Variants in CACNG8 observed in about 807,000 individuals in gnomAD.
CACNG8 encodes the protein voltage-dependent calcium channel gamma-8 subunit.
CACNG8 carries 5 observed loss-of-function variants against 26.9 expected under a neutral mutation model. The ratio of observed to expected loss-of-function variants is 0.19; its 90% CI spans 0.10 to 0.39. CACNG8 has a LOEUF of 0.39. CACNG8 is among the 10% of genes least tolerant of loss of function. The probability of loss-of-function intolerance (pLI) is 1.00; values close to 1 mark genes in which losing one functional copy is unlikely to be tolerated. For synonymous variants in CACNG8, 321 were observed against 296.7 expected (o/e 1.08, Z -0.84); for missense variants, 473 against 609.4 (o/e 0.78, Z 2.36).
At position 53,984,152 on chromosome 19, in the gene CACNG8, G is replaced by A. The variant is rs930944207; in HGVS notation, c.*1303G>A. ...CATGGTGTCTGGTGTGCAGGAGAAA[G>A]CCGTGGGGCTTAGAGACTCATGTGT... On this transcript the variant is annotated 3_prime_UTR_variant, in exon 4 of 4. Coordinates refer to ENST00000270458, the MANE Select transcript of CACNG8 (RefSeq NM_031895.6). 6.6e-6 allele frequency: 1 copy of A among 152,258 alleles called. No homozygotes were observed. Among genetic ancestry groups the A allele is most frequent in the Non-Finnish European group, 1.5e-5 (1 of 68,064 alleles). The allele number at this position is 152,258 out of a possible 1,614,324, so 9.4% of individuals were successfully genotyped here.
At position 53,982,485 on chromosome 19, in the gene CACNG8, C is replaced by T; in HGVS notation, c.914C>T (p.Ser305Phe). Residue 305 changes from serine to phenylalanine, a missense_variant, in exon 4 of 4, where the codon TCC becomes TTC. Coordinates refer to ENST00000270458, the MANE Select transcript of CACNG8 (RefSeq NM_031895.6). This position sits in a 1 kb window ranked among gnomAD's most constrained non-coding sequence, Gnocchi z 8.4. ...CCGGGCTTTGCCTCCACGGACATCT[C>T]CATGTACACGCTCAGCCGCGACCCC... is the stretch of plus-strand genomic sequence containing the variant. The T allele has an allele frequency of 6.6e-7, 1 of 1,505,426 alleles. No homozygotes were observed. The allele number at this position is 1,505,426 out of a possible 1,614,324, so 93.3% of individuals were successfully genotyped here.
chr19:53,976,942 G>T (rs1449875007), intron 1 of CACNG8, among the ~76,000 whole-genome samples: 1 of 152,170 alleles, frequency 6.6e-6, no homozygotes. Flanking sequence ...CAAAGTGCAG[G>T]GATTACAGGT....
chr19:53,987,743 G>A lies in CACNG8; in HGVS notation c.*4894G>A, dbSNP rs2145945683. On this transcript the variant is annotated 3_prime_UTR_variant, in exon 4 of 4. Transcript: ENST00000270458. ...AGGAACCAAGGCTTCTCTTTTGGAT[G>A]TGTCAAGATAGATCTGCCTTCGAGA... is the stretch of plus-strand genomic sequence containing the variant. The A allele has an allele frequency of 6.6e-6, 1 of 152,384 alleles. No homozygotes were observed. Among genetic ancestry groups the A allele is most frequent in the Non-Finnish European group, 1.5e-5 (1 of 68,056 alleles). 9.4% of individuals were successfully genotyped at this position (152,384 alleles called of 1,614,324 possible).
chr19:53,976,031 A>T (rs1181481304), intron 1 of CACNG8, among the ~76,000 whole-genome samples: 1 of 152,178 alleles, frequency 6.6e-6, no homozygotes, highest in Non-Finnish European at 1.5e-5. Context: ...CCTATGTAAC[A>T]CCAGCAAGGA....
At chr19:53,971,185 G>A (rs574545261) in intron 1 of CACNG8, among the ~76,000 whole-genome samples, 53 of 151,556 alleles carry the variant, frequency 3.5e-4, no homozygotes, top group Middle Eastern at 3.4e-3. Flanking sequence ...CCAGCTACTC[G>A]GGAGGCTGAG....
rs1300465014 is a variant in CACNG8, at chr19:53,963,150, C to T, written c.8C>T (p.Ser3Leu). The change falls in exon 1 of 4, where the codon TCG (serine) becomes TTG (leucine). Residue 3 changes from serine (S) to leucine (L), a missense_variant. This residue lies in a region of CACNG8 where 26 missense variants were observed against 23.8 expected (regional missense o/e 1.09). Coordinates refer to ENST00000270458, the MANE Select transcript of CACNG8 (RefSeq NM_031895.6). The stretch of plus-strand genomic sequence containing the variant: ...CGGCTGCCCGTGGTCAAACTGGAGT[C>T]GCTGAAGCGCTGGAACGAAGAGCGG... 6.6e-7 allele frequency: 1 copy of T among 1,520,750 alleles called. No homozygotes were observed. 94.2% of individuals were successfully genotyped at this position (1,520,750 alleles called of 1,614,324 possible). A position where few individuals can be genotyped will look rare whatever the true frequency, so the allele number is the denominator to read the frequency against.
chr19:53,980,182 C>G (rs1422993743), intron 3 of CACNG8, among the ~76,000 whole-genome samples, 175 bp downstream of exon 3: 1 of 152,160 alleles, frequency 6.6e-6, no homozygotes, highest in Non-Finnish European at 1.5e-5. Flanking sequence ...TAGGCGGTCC[C>G]CAAGCTCCAT....
Position 53,982,523 on chromosome 19 carries a change from G to A in CACNG8, c.952G>A (p.Val318Met). 7.4e-7 allele frequency: 1 copy of A among 1,351,532 alleles called. No homozygotes were observed. The highest frequency in any genetic ancestry group is 9.5e-7 in the Non-Finnish European group (1 of 1,057,500). 83.7% of individuals were successfully genotyped at this position (1,351,532 alleles called of 1,614,324 possible). A position where few individuals can be genotyped will look rare whatever the true frequency, so the allele number is the denominator to read the frequency against. Residue 318 changes from valine to methionine, a missense_variant, in exon 4 of 4, where the codon GTG becomes ATG. Physicochemically the swap from Val to Met is conservative, Grantham distance 21. Transcript: ENST00000270458. This position sits in a 1 kb window ranked among gnomAD's most constrained non-coding sequence, Gnocchi z 8.4. ...CAGCCGCGACCCCTCCAAGGGCAGC[G>A]TGGCCGCGGGGCTGGCGGGGGCCGG...
chr19:53,977,511 C>T (rs535545789), intron 1 of CACNG8, among the ~76,000 whole-genome samples: 1 of 152,220 alleles, frequency 6.6e-6, no homozygotes, highest in East Asian at 1.9e-4. Flanking sequence ...CCTCACACAC[C>T]TCTGCTTGCT....
At position 53,963,069 on chromosome 19, in the gene CACNG8, C is replaced by G. The variant is rs545505148; in HGVS notation, c.-74C>G. On this transcript the variant is annotated 5_prime_UTR_variant, in exon 1 of 4. Coordinates refer to ENST00000270458, the MANE Select transcript of CACNG8 (RefSeq NM_031895.6). ...GCTTCTGCCTGCGCTGTGAACCCCC[C>G]CCCAGCCGCCGGCACGGCCCCGCCC... The G allele has an allele frequency of 9.0e-5, 87 of 970,360 alleles. No individual in the cohort carries two copies. The highest frequency in any genetic ancestry group is 3.4e-4 in the South Asian group (14 of 41,504). The allele number at this position is 970,360 out of a possible 1,614,324, so 60.1% of individuals were successfully genotyped here.
chr19:53,964,421 C>T (rs1386757567), intron 1 of CACNG8, among the ~76,000 whole-genome samples: 1 of 152,066 alleles, frequency 6.6e-6, no homozygotes. Flanking sequence ...CATGTCTCTC[C>T]CACCAGGGTG....
At position 53,982,487 on chromosome 19, in the gene CACNG8, A is replaced by G; in HGVS notation, c.916A>G (p.Met306Val). Residue 306 changes from methionine (M) to valine (V), a missense_variant, in exon 4 of 4, where the codon ATG becomes GTG. Met to Val is a conservative substitution (Grantham distance 21). This residue lies in a region of CACNG8 where 212 missense variants were observed against 214.4 expected (regional missense o/e 0.99). Transcript: ENST00000270458. This position sits in a 1 kb window ranked among gnomAD's most constrained non-coding sequence, Gnocchi z 8.4. The stretch of plus-strand genomic sequence containing the variant: ...GGGCTTTGCCTCCACGGACATCTCC[A>G]TGTACACGCTCAGCCGCGACCCCTC... The G allele has an allele frequency of 6.7e-7, 1 of 1,503,456 alleles. No individual in the cohort carries two copies. The highest frequency in any genetic ancestry group is 8.8e-7 in the Non-Finnish European group (1 of 1,134,334). 93.1% of individuals were successfully genotyped at this position (1,503,456 alleles called of 1,614,324 possible). A position where few individuals can be genotyped will look rare whatever the true frequency, so the allele number is the denominator to read the frequency against.
At chr19:53,964,976 T>G (rs1446864613) in intron 1 of CACNG8, among the ~76,000 whole-genome samples, 8 of 152,182 alleles carry the variant, frequency 5.3e-5, no homozygotes, top group African/African-American at 1.9e-4. Flanking sequence ...CTTCTTCCTC[T>G]GTTTTGCTGA....
intron 1 of CACNG8, among the ~76,000 whole-genome samples, chr19:53,969,294 C>T (rs983864389): frequency 2.0e-5 from 3 of 152,244 alleles, no homozygotes; most frequent in East Asian, 1.9e-4. Flanking sequence ...TAAGCCACCG[C>T]GCCCAGCCGG....
At chr19:53,981,679 C>T (rs2069369395) in intron 3 of CACNG8, among the ~76,000 whole-genome samples, 1 of 152,020 alleles carries the variant, frequency 6.6e-6, no homozygotes, top group Admixed American at 6.6e-5. Flanking sequence ...TTTAGACCAT[C>T]TGAGGGGGTG....
chr19:53,963,035 G>T lies in CACNG8; in HGVS notation c.-108G>T. On this transcript the variant is annotated 5_prime_UTR_variant, in exon 1 of 4. Coordinates refer to ENST00000270458, the MANE Select transcript of CACNG8 (RefSeq NM_031895.6). ...CCCCCTCCCCAGCCCCGCCGGCCCC[G>T]GGCCCCCCGCTTCTGCCTGCGCTGT... 8.0e-6 allele frequency: 1 copy of T among 125,318 alleles called. No individual in the cohort carries two copies. The highest frequency in any genetic ancestry group is 1.5e-5 in the Non-Finnish European group (1 of 66,936). 7.8% of individuals were successfully genotyped at this position (125,318 alleles called of 1,614,324 possible).
intron 1 of CACNG8, among the ~76,000 whole-genome samples, chr19:53,968,884 G>A (rs1377536901): frequency 2.0e-5 from 3 of 152,004 alleles, no homozygotes; most frequent in Non-Finnish European, 4.4e-5. Flanking sequence ...GAAGCCAAAG[G>A]AAGTTAGCGT....
At chr19:53,964,785 G>T (rs2069263002) in intron 1 of CACNG8, among the ~76,000 whole-genome samples, 1 of 152,150 alleles carries the variant, frequency 6.6e-6, no homozygotes, top group South Asian at 2.1e-4. Context: ...CAGGAGTCTT[G>T]GGTGCCAGTT....
At position 53,989,605 on chromosome 19, in the gene CACNG8, C is replaced by T. The variant is rs2069428480; in HGVS notation, c.*6756C>T. 1.3e-5 allele frequency: 2 copies of T among 152,242 alleles called. No individual in the cohort carries two copies. Among genetic ancestry groups the T allele is most frequent in the Admixed American group, 1.3e-4 (2 of 15,278 alleles). The allele number at this position is 152,242 out of a possible 1,614,324, so 9.4% of individuals were successfully genotyped here. Reference sequence around the variant, plus strand: ...CCTTCAGAGGGGGGGACAGGTAGTCCAGACAATTAGAATACAGAGGGGGCT... The same window carrying T: ...CCTTCAGAGGGGGGGACAGGTAGTCTAGACAATTAGAATACAGAGGGGGCT... On this transcript the variant is annotated 3_prime_UTR_variant, in exon 4 of 4. Coordinates refer to ENST00000270458, the MANE Select transcript of CACNG8 (RefSeq NM_031895.6).
Sources: allele counts gnomAD v4.1 joint callset (sites outside exome capture counted in the v4.1 genomes callset), GRCh38; gene constraint gnomAD v4.1.1; regional missense constraint gnomAD v4.1.1; non-coding constraint Gnocchi (gnomAD v3.1); transcripts MANE v1.5; gene names NCBI Gene and HGNC (gene_info 2026-07-23, HGNC 2026-07-21).